BRAF: variants seen among roughly 807,000 people sequenced by gnomAD.
BRAF encodes serine/threonine-protein kinase B-raf.
A neutral mutation model predicts 104.6 loss-of-function variants in BRAF; 16 were observed. The observed-to-expected ratio is 0.15, with a 90% CI of 0.10 to 0.23. BRAF has a LOEUF of 0.23. BRAF is among the 10% of genes least tolerant of loss of function. The probability of loss-of-function intolerance (pLI) is 1.00; values close to 1 mark genes in which losing one functional copy is unlikely to be tolerated. For synonymous variants in BRAF, 310 were observed against 341.6 expected (o/e 0.91, Z 1.02); for missense variants, 541 against 937.3 (o/e 0.58, Z 5.52).
At chr7:140,826,691 CAAA>C (rs1413163068) in intron 3 of BRAF, among the ~76,000 whole-genome samples, 1 of 152,136 alleles carries the variant, frequency 6.6e-6, no homozygotes, top group East Asian at 1.9e-4. Flanking sequence ...AGTTCCATCT[CAAA>C]AAAGCGTGGG....
At position 140,722,524 on chromosome 7, in the gene BRAF, TACTC is replaced by T. The variant is rs1795369723; in HGVS notation, c.*3966_*3969del. ...TGACCTGTAAGCTATTTGCTGTTCA[TACTC>T]ACAGTAAACCTTCCATCTCTGGCTA... On this transcript the variant is annotated 3_prime_UTR_variant, in exon 20 of 20. Transcript: ENST00000644969. 15 of 1,057,062 alleles carry T rather than the reference TACTC, an allele frequency of 1.4e-5. No homozygotes were observed. In the South Asian group the frequency reaches 6.4e-4, roughly 45 times the overall value. The allele number at this position is 1,057,062 out of a possible 1,614,324, so 65.5% of individuals were successfully genotyped here.
At chr7:140,844,280 A>G (rs1808316627) in intron 2 of BRAF, among the ~76,000 whole-genome samples, 1 of 152,102 alleles carries the variant, frequency 6.6e-6, no homozygotes, top group Non-Finnish European at 1.5e-5. Context: ...ATTTCTGGCT[A>G]TTGTATTTTT....
chr7:140,884,957 C>A (rs1322202912), intron 1 of BRAF, among the ~76,000 whole-genome samples: 2 of 151,906 alleles, frequency 1.3e-5, no homozygotes, highest in African/African-American at 2.4e-5. Context: ...AATGAGAGGG[C>A]AAAGTGTCTT....
chr7:140,742,987 G>A (rs907557954), intron 17 of BRAF, among the ~76,000 whole-genome samples: 7 of 152,078 alleles, frequency 4.6e-5, no homozygotes, highest in African/African-American at 1.7e-4. Flanking sequence ...CACCATCACT[G>A]GCCATCAGAG....
intron 17 of BRAF, chr7:140,740,944 A>G (rs1796867529): frequency 6.6e-6 from 1 of 152,188 alleles, no homozygotes; most frequent in African/African-American, 2.4e-5. Context: ...CTGAAGCTAC[A>G]CCATCATAAC....
chr7:140,807,096 C>A lies in BRAF; in HGVS notation c.711+864G>T, dbSNP rs140197627. Among the ~76,000 whole-genome samples the A allele has an allele frequency of 3.2e-4, 49 of 152,254 alleles. No homozygotes were observed. In the East Asian group the frequency reaches 5.2e-3, roughly 16 times the overall value. On this transcript the variant is annotated intron_variant, in intron 5 of 19. Transcript: ENST00000644969. ...ATAAGTTCTCAAGTTCTATGTAGAT[C>A]CTCATCTCTAAGGTGGAAAGGTCCC...
At chr7:140,869,552 G>T (rs889895678) in intron 1 of BRAF, among the ~76,000 whole-genome samples, 5 of 151,672 alleles carry the variant, frequency 3.3e-5, no homozygotes, top group Non-Finnish European at 7.4e-5. Context: ...AGAATCACTT[G>T]AACCTGGGAG....
At chr7:140,873,450 G>A (rs1213630503) in intron 1 of BRAF, among the ~76,000 whole-genome samples, 1 of 152,166 alleles carries the variant, frequency 6.6e-6, no homozygotes, top group African/African-American at 2.4e-5. Flanking sequence ...AATAAGAGGC[G>A]TGAGCCACCA....
intron 17 of BRAF, 119 bp from the exon 17 acceptor site, chr7:140,740,065 C>A: frequency 8.9e-7 from 1 of 1,118,600 alleles, no homozygotes; most frequent in Non-Finnish European, 1.3e-6. Flanking sequence ...ATGTATTACA[C>A]CTCAATAAAA....
chr7:140,719,540 G>A lies in BRAF; in HGVS notation c.*6954C>T. 9.6e-7 allele frequency: 1 copy of A among 1,046,440 alleles called. No homozygotes were observed. The highest frequency in any genetic ancestry group is 5.3e-5 in the East Asian group (1 of 18,840). 64.8% of individuals were successfully genotyped at this position (1,046,440 alleles called of 1,614,324 possible). A position where few individuals can be genotyped will look rare whatever the true frequency, so the allele number is the denominator to read the frequency against. On this transcript the variant is annotated 3_prime_UTR_variant, in exon 20 of 20. Transcript: ENST00000644969. ...TTTTCTGTTATACAAATTTACATGA[G>A]AAAAACTCCAAAGTACAAATGAAGG...
At chr7:140,874,142 T>C (rs1440913150) in intron 1 of BRAF, among the ~76,000 whole-genome samples, 3 of 151,652 alleles carry the variant, frequency 2.0e-5, no homozygotes, top group Non-Finnish European at 2.9e-5. Context: ...CAGTAGACGA[T>C]TGGGATAGAG....
chr7:140,829,341 A>AC (rs1448487566), intron 3 of BRAF, among the ~76,000 whole-genome samples: 2 of 144,776 alleles, frequency 1.4e-5, no homozygotes, highest in African/African-American at 5.5e-5. Flanking sequence ...TGAAAGATTT[A>AC]CATTTTTTTT....
chr7:140,829,864 T>G (rs1806520452), intron 3 of BRAF, among the ~76,000 whole-genome samples: 1 of 152,226 alleles, frequency 6.6e-6, no homozygotes, highest in Non-Finnish European at 1.5e-5. Flanking sequence ...TTTTCCTGTA[T>G]TATGTCTGTG....
intron 9 of BRAF, among the ~76,000 whole-genome samples, chr7:140,786,779 G>C (rs1801403349): frequency 6.6e-6 from 1 of 152,204 alleles, no homozygotes; most frequent in Admixed American, 6.5e-5. Context: ...GCAAAGTTAA[G>C]TTTTATCTGA....
At chr7:140,852,834 C>T (rs925629572) in intron 1 of BRAF, among the ~76,000 whole-genome samples, 2 of 152,146 alleles carry the variant, frequency 1.3e-5, no homozygotes, top group Admixed American at 6.5e-5. Flanking sequence ...CCCCCATCAC[C>T]CCCACAAAAC....
chr7:140,897,265 G>A (rs1461122495), intron 1 of BRAF, among the ~76,000 whole-genome samples: 2 of 151,774 alleles, frequency 1.3e-5, no homozygotes, highest in Non-Finnish European at 2.9e-5. Flanking sequence ...CCCAGAAATC[G>A]GTCCATGGGA....
At chr7:140,817,905 T>C (rs781537084) in intron 3 of BRAF, among the ~76,000 whole-genome samples, 3 of 152,168 alleles carry the variant, frequency 2.0e-5, no homozygotes, top group African/African-American at 4.8e-5. Context: ...TACTTGATAA[T>C]AGCATTGAAT....
At chr7:140,763,231 G>T (rs372585945) in intron 14 of BRAF, among the ~76,000 whole-genome samples, 2 of 150,860 alleles carry the variant, frequency 1.3e-5, no homozygotes, top group South Asian at 2.1e-4. Context: ...CTGGCCGGGC[G>T]GGGGGCTGAC....
intron 1 of BRAF, among the ~76,000 whole-genome samples, chr7:140,860,594 T>C (rs951684641): frequency 2.0e-5 from 3 of 151,574 alleles, no homozygotes; most frequent in Non-Finnish European, 4.4e-5. Context: ...GAGGCTACAA[T>C]AAGACAGGAA....
Sources: allele counts gnomAD v4.1 joint callset (sites outside exome capture counted in the v4.1 genomes callset), GRCh38; gene constraint gnomAD v4.1.1; transcripts MANE v1.5; gene names NCBI Gene and HGNC (gene_info 2026-07-23, HGNC 2026-07-21).